SMG7: variants seen among roughly 807,000 people sequenced by gnomAD.
SMG7 encodes the protein SMG7 nonsense mediated mRNA decay factor.
In SMG7, 34 loss-of-function variants were observed where a neutral mutation model predicts 148.2. That is an observed-to-expected ratio of 0.23 (90% CI 0.17 to 0.31). The LOEUF (loss-of-function observed/expected upper bound fraction) is 0.31. Ranked by LOEUF, SMG7 falls within the 10% of genes least tolerant of loss-of-function variation. SMG7 has a pLI of 1.00. For synonymous variants in SMG7, 492 were observed against 515.1 expected, an observed-to-expected ratio of 0.96 and a Z score of 0.61; for missense variants, 1,114 against 1,408.4, an observed-to-expected ratio of 0.79 and a Z score of 3.35.
At chr1:183,519,327 A>G (rs1259219948) in intron 4 of SMG7, among the ~76,000 whole-genome samples, 3 of 152,054 alleles carry the variant, frequency 2.0e-5, no homozygotes, top group Non-Finnish European at 4.4e-5. Context: ...CTCAAAATTT[A>G]TTTTAAAATT....
chr1:183,490,419 G>A (rs1294185054), intron 1 of SMG7, among the ~76,000 whole-genome samples: 1 of 151,886 alleles, frequency 6.6e-6, no homozygotes, highest in East Asian at 1.9e-4. Flanking sequence ...TCTTACCTGT[G>A]GACATTTTCT....
At chr1:183,526,434 G>A (rs927085554) in intron 4 of SMG7, among the ~76,000 whole-genome samples, 162 bp from the exon 5 acceptor site, 1 of 152,012 alleles carries the variant, frequency 6.6e-6, no homozygotes, top group African/African-American at 2.4e-5. Flanking sequence ...GATTATAGGC[G>A]TGAGCCCCTG....
intron 1 of SMG7, among the ~76,000 whole-genome samples, chr1:183,504,137 A>C (rs1043331457): frequency 6.6e-6 from 1 of 152,088 alleles, no homozygotes; most frequent in Non-Finnish European, 1.5e-5. Flanking sequence ...ATTGTATTGA[A>C]ATTATGTACA....
Position 183,550,023 on chromosome 1 carries a change from G to A in SMG7, c.3133+100G>A. ...GTAATTACAAATATATCATTTGTTG[G>A]GTTATTTTTATTTTTTGTTTGTTTG... On this transcript the variant is annotated intron_variant, in intron 20 of 22. Coordinates refer to ENST00000688051, the MANE Select transcript of SMG7 (RefSeq NM_001375584.1). The A allele has an allele frequency of 3.9e-6, 3 of 777,016 alleles. No individual in the cohort carries two copies. The South Asian group carries it at 8.5e-5, about 22-fold the overall frequency. The allele number at this position is 777,016 out of a possible 1,614,324, so 48.1% of individuals were successfully genotyped here.
chr1:183,547,776 G>A (rs973636511), intron 18 of SMG7, among the ~76,000 whole-genome samples: 17 of 152,204 alleles, frequency 1.1e-4, no homozygotes, highest in African/African-American at 4.1e-4. Flanking sequence ...AACAGAATGA[G>A]TAAAAATGAA....
intron 1 of SMG7, among the ~76,000 whole-genome samples, chr1:183,473,322 T>A (rs1054584660): frequency 3.9e-5 from 6 of 151,998 alleles, no homozygotes; most frequent in Admixed American, 3.9e-4. Flanking sequence ...TTAGAATCAG[T>A]GTAGTCGGAA....
At chr1:183,473,983 A>C in intron 1 of SMG7, 1 of 527,572 alleles carries the variant, frequency 1.9e-6, no homozygotes, top group African/African-American at 2.1e-5. Flanking sequence ...AGAGAAGAGA[A>C]TGATGAGATA....
intron 1 of SMG7, among the ~76,000 whole-genome samples, chr1:183,483,163 C>T (rs929295494): frequency 1.3e-5 from 2 of 152,100 alleles, no homozygotes; most frequent in Admixed American, 6.6e-5. Flanking sequence ...CATTAATATT[C>T]TCATCTGTTT....
In SMG7 at chr1:183,546,992, A is replaced by G. The variant is rs1158780212; in HGVS notation, c.2743-111A>G. 5.8e-6 allele frequency: 6 copies of G among 1,035,374 alleles called. No homozygotes were observed. The South Asian group carries it at 8.9e-5, about 15-fold the overall frequency. 64.1% of individuals were successfully genotyped at this position (1,035,374 alleles called of 1,614,324 possible). ...TTTTTCTCTTTGCCTAATACCATCTATCTCACTATCCCCTTGACTTTAGTT... is the reference window on the plus strand; with the variant it reads ...TTTTTCTCTTTGCCTAATACCATCTGTCTCACTATCCCCTTGACTTTAGTT... On this transcript the variant is annotated intron_variant, in intron 17 of 22. Coordinates refer to ENST00000688051, the MANE Select transcript of SMG7 (RefSeq NM_001375584.1).
intron 1 of SMG7, 135 bp downstream of exon 1, chr1:183,472,784 C>G (rs1490662436): frequency 1.3e-6 from 1 of 747,856 alleles, no homozygotes; most frequent in Non-Finnish European, 1.9e-6. Context: ...TCGGCGGAGA[C>G]TGCAAGGGGA....
At chr1:183,518,147 T>C (rs1216833583) in intron 4 of SMG7, among the ~76,000 whole-genome samples, 1 of 152,010 alleles carries the variant, frequency 6.6e-6, no homozygotes, top group East Asian at 1.9e-4. Context: ...GGAGTCTCGC[T>C]ATGTTGCCCA....
At chr1:183,514,572 T>A (rs1234548131) in intron 2 of SMG7, among the ~76,000 whole-genome samples, 1 of 152,262 alleles carries the variant, frequency 6.6e-6, no homozygotes. Flanking sequence ...AGGCTATCTG[T>A]ACCATTTACC....
intron 11 of SMG7, among the ~76,000 whole-genome samples, chr1:183,537,711 T>G (rs1435281828): frequency 6.6e-6 from 1 of 152,242 alleles, no homozygotes; most frequent in African/African-American, 2.4e-5. Context: ...AAATTTAGTA[T>G]TATATTGTTA....
rs1006323405 is a variant in SMG7 at position 183,527,784 on chromosome 1, G to A, written c.485-172G>A. On this transcript the variant is annotated intron_variant, in intron 5 of 22. Coordinates refer to ENST00000688051, the MANE Select transcript of SMG7 (RefSeq NM_001375584.1). The surrounding 1 kb of genome is among the most constrained non-coding windows in gnomAD (Gnocchi z 4.0). The stretch of plus-strand genomic sequence containing the variant: ...AATGTCCCAAATAAGGAAGGCTGAT[G>A]GACACTTCACACATAATCCTATAGT... The A allele has an allele frequency of 6.6e-6, 4 of 605,452 alleles. No individual in the cohort carries two copies. In the Middle Eastern group the frequency reaches 8.0e-4, roughly 121 times the overall value. The allele number at this position is 605,452 out of a possible 1,614,324, so 37.5% of individuals were successfully genotyped here.
At chr1:183,537,666 G>A (rs969308909) in intron 11 of SMG7, among the ~76,000 whole-genome samples, 2 of 152,302 alleles carry the variant, frequency 1.3e-5, no homozygotes, top group Middle Eastern at 3.4e-3. Flanking sequence ...CACAGGAAAT[G>A]ATTCATATCA....
At position 183,542,226 on chromosome 1, in the gene SMG7, G is replaced by T; in HGVS notation, c.1566G>T (p.Gly522=). ...CGCTGGCTGCAGATGGGAGCCCAGGGCTAAAATCAGTGCTATCTACAAGCC... is the reference window on the plus strand; with the variant it reads ...CGCTGGCTGCAGATGGGAGCCCAGGTCTAAAATCAGTGCTATCTACAAGCC... ...IESLAADGSP[G]LKSVLSTSRN... The change falls in exon 14 of 23, where the codon GGG becomes GGT. Residue 522 remains glycine (G), a synonymous_variant. Coordinates refer to ENST00000688051, the MANE Select transcript of SMG7 (RefSeq NM_001375584.1). 6.2e-7 allele frequency: 1 copy of T among 1,614,042 alleles called. No individual in the cohort carries two copies. Among genetic ancestry groups the T allele is most frequent in the Non-Finnish European group, 8.5e-7 (1 of 1,179,986 alleles).
rs184481446 is a variant in SMG7, at chr1:183,488,581, G to A, written c.29+15932G>A. Among the ~76,000 whole-genome samples, 5 of 151,898 alleles carry A rather than the reference G, an allele frequency of 3.3e-5. No individual in the cohort carries two copies. In the East Asian group the frequency reaches 9.7e-4, roughly 29 times the overall value. On this transcript the variant is annotated intron_variant, in intron 1 of 22. Coordinates refer to ENST00000688051, the MANE Select transcript of SMG7 (RefSeq NM_001375584.1). ...CACTAAGCATGTGTCAAGTGCTCAT[G>A]TGGCTAGTGACTGCCATATTGGATA...
At chr1:183,475,875 G>A (rs959023572) in intron 1 of SMG7, among the ~76,000 whole-genome samples, 3 of 150,986 alleles carry the variant, frequency 2.0e-5, no homozygotes, top group Non-Finnish European at 4.4e-5. Context: ...CTTTGAAGAA[G>A]GGAGAAAAAA....
At chr1:183,544,522 T>C in intron 15 of SMG7, 25 bp downstream of exon 15, 1 of 1,607,868 alleles carries the variant, frequency 6.2e-7, no homozygotes, top group Non-Finnish European at 8.5e-7. Flanking sequence ...TAATTTCTTC[T>C]ACTTAATCTT....
Sources: allele counts gnomAD v4.1 joint callset (sites outside exome capture counted in the v4.1 genomes callset), GRCh38; gene constraint gnomAD v4.1.1; non-coding constraint Gnocchi (gnomAD v3.1); transcripts MANE v1.5; gene names NCBI Gene and HGNC (gene_info 2026-07-23, HGNC 2026-07-21).